Variants in PIP4K2A observed in about 807,000 individuals in gnomAD.
PIP4K2A encodes the protein phosphatidylinositol-5-phosphate 4-kinase type 2 alpha.
In PIP4K2A, 14 loss-of-function variants were observed where a neutral mutation model predicts 42.9. The ratio of observed to expected loss-of-function variants is 0.33; its 90% CI spans 0.22 to 0.51. The LOEUF (loss-of-function observed/expected upper bound fraction) is 0.51, where lower values mean the gene tolerates loss of function less well. Ranked by LOEUF, PIP4K2A falls within the 20% of genes least tolerant of loss-of-function variation. The pLI, the probability that PIP4K2A is intolerant of heterozygous loss-of-function variation, is 0.97. For missense variants in PIP4K2A, 434 were observed against 519.8 expected (o/e 0.83, Z 1.61); for synonymous variants, 192 against 192.2 (o/e 1.00, Z 0.01).
At chr10:22,665,580 T>C (rs1322558134) in intron 1 of PIP4K2A, among the ~76,000 whole-genome samples, 1 of 148,062 alleles carries the variant, frequency 6.8e-6, no homozygotes, top group Non-Finnish European at 1.5e-5. Context: ...TAGTTGAAAC[T>C]ACAGAGGTGC....
At chr10:22,627,591 TAAAAAAAAAAAAAAAAAAA>T (rs57671642) in intron 1 of PIP4K2A, among the ~76,000 whole-genome samples, 38 of 57,034 alleles carry the variant, frequency 6.7e-4, no homozygotes, top group East Asian at 2.9e-3. Context: ...TAATATGTAA[TAAAAAAAAAAAAAAAAAAA>T]AAAAAAAAAA....
At chr10:22,599,068 TAA>T (rs1837694512) in intron 3 of PIP4K2A, among the ~76,000 whole-genome samples, 1 of 131,202 alleles carries the variant, frequency 7.6e-6, no homozygotes, top group Non-Finnish European at 1.6e-5. Context: ...TCTTATCGAA[TAA>T]ATTAAACTAG....
At chr10:22,559,698 T>C (rs930939408) in intron 6 of PIP4K2A, among the ~76,000 whole-genome samples, 4 of 152,180 alleles carry the variant, frequency 2.6e-5, no homozygotes, top group Non-Finnish European at 5.9e-5. Context: ...ATATCTGGAA[T>C]AGAGAAGATT....
chr10:22,539,317 C>G (rs1328323774), intron 9 of PIP4K2A: 1 of 152,226 alleles, frequency 6.6e-6, no homozygotes, highest in African/African-American at 2.4e-5. Flanking sequence ...ACTACTATCT[C>G]TTTCATAGGC....
chr10:22,582,026 G>A (rs1837292795), intron 4 of PIP4K2A, among the ~76,000 whole-genome samples: 2 of 152,150 alleles, frequency 1.3e-5, no homozygotes, highest in Middle Eastern at 3.4e-3. Flanking sequence ...TGAGGCAGTA[G>A]GATCACTTGA....
chr10:22,620,142 T>C (rs1297667042), intron 1 of PIP4K2A, among the ~76,000 whole-genome samples: 1 of 152,226 alleles, frequency 6.6e-6, no homozygotes, highest in African/African-American at 2.4e-5. Context: ...CTCCCATCTG[T>C]CAACTTGGTA....
intron 3 of PIP4K2A, among the ~76,000 whole-genome samples, chr10:22,593,719 AG>A (rs759974193): frequency 2.0e-5 from 3 of 152,248 alleles, no homozygotes; most frequent in Non-Finnish European, 4.4e-5. Context: ...CAAGAACTCT[AG>A]GAACTGTAAG....
intron 1 of PIP4K2A, among the ~76,000 whole-genome samples, chr10:22,696,403 T>C (rs1277846143): frequency 2.0e-5 from 3 of 152,206 alleles, no homozygotes; most frequent in Non-Finnish European, 4.4e-5. Flanking sequence ...TTCTTATAAA[T>C]AACCAAATTG....
chr10:22,613,160 T>C (rs1017240128), intron 1 of PIP4K2A, among the ~76,000 whole-genome samples: 1 of 151,816 alleles, frequency 6.6e-6, no homozygotes, highest in Non-Finnish European at 1.5e-5. Flanking sequence ...GACTGGGAAA[T>C]GTCAGCCAGA....
intron 4 of PIP4K2A, among the ~76,000 whole-genome samples, chr10:22,584,283 T>C (rs143701098): frequency 1.6e-3 from 240 of 150,924 alleles, no homozygotes; most frequent in African/African-American, 5.7e-3. Context: ...AAAAATCTTC[T>C]GGAAAACTTC....
chr10:22,545,206 A>G (rs1163736550), intron 7 of PIP4K2A, among the ~76,000 whole-genome samples: 1 of 152,182 alleles, frequency 6.6e-6, no homozygotes, highest in Admixed American at 6.5e-5. Context: ...GTAACTACCA[A>G]AGCCAAATAC....
chr10:22,710,063 C>CAA (rs34126375), intron 1 of PIP4K2A, among the ~76,000 whole-genome samples: 10 of 124,684 alleles, frequency 8.0e-5, no homozygotes, highest in African/African-American at 1.7e-4. Flanking sequence ...ACCCATGAAC[C>CAA]AAAAAAAAAA....
At chr10:22,565,314 C>G (rs751771816) in intron 6 of PIP4K2A, among the ~76,000 whole-genome samples, 1 of 152,184 alleles carries the variant, frequency 6.6e-6, no homozygotes, top group African/African-American at 2.4e-5. Context: ...GGACCCCAAA[C>G]GGAGGGACCG....
chr10:22,712,334 C>T (rs968000070), intron 1 of PIP4K2A, among the ~76,000 whole-genome samples: 2 of 152,048 alleles, frequency 1.3e-5, no homozygotes, highest in South Asian at 2.1e-4. Context: ...GGAATTCAGA[C>T]GAGTTCCCAG....
chr10:22,714,398 G>C lies in PIP4K2A; in HGVS notation c.-72C>G, dbSNP rs1018903682. 4.4e-6 allele frequency: 5 copies of C among 1,129,596 alleles called. No individual in the cohort carries two copies. The highest frequency in any genetic ancestry group is 4.2e-5 in the Admixed American group (1 of 24,056). 70.0% of individuals were successfully genotyped at this position (1,129,596 alleles called of 1,614,324 possible). ...ACCCGCCCTCTCTACACCCCGGCCC[G>C]GGGAGGCAGCCGCATCCCCCCGGCG... On this transcript the variant is annotated 5_prime_UTR_variant, in exon 1 of 10. Transcript: ENST00000376573.
chr10:22,611,232 T>A (rs1838029063), intron 1 of PIP4K2A, among the ~76,000 whole-genome samples: 1 of 151,682 alleles, frequency 6.6e-6, no homozygotes, highest in South Asian at 2.1e-4. Context: ...AATAAAAAAA[T>A]AACAAAAGTT....
At position 22,627,063 on chromosome 10, in the gene PIP4K2A, C is replaced by G. The variant is rs770187566; in HGVS notation, c.145-17346G>C. On this transcript the variant is annotated intron_variant, in intron 1 of 9. Transcript: ENST00000376573. ...TCTCTCTTCTCCCCATCTCCTCCCA[C>G]GCATTCTATGTATTCTATCAACTAT... Among the ~76,000 whole-genome samples the G allele has an allele frequency of 1.8e-4, 28 of 151,818 alleles. No homozygotes were observed. The Middle Eastern group carries it at 0.01, about 55-fold the overall frequency.
At chr10:22,553,678 G>C (rs1013542490) in intron 6 of PIP4K2A, among the ~76,000 whole-genome samples, 4 of 151,676 alleles carry the variant, frequency 2.6e-5, no homozygotes, top group Non-Finnish European at 5.9e-5. Flanking sequence ...CCATGTGACA[G>C]ATTCAAATAG....
chr10:22,664,006 GCT>G (rs548100836), intron 1 of PIP4K2A, among the ~76,000 whole-genome samples: 3 of 126,822 alleles, frequency 2.4e-5, no homozygotes, highest in African/African-American at 3.1e-5. Context: ...CCCACTTAAG[GCT>G]CTCTCTCTCT....
Sources: gnomAD v4.1 joint callset for allele counts (sites outside exome capture counted in the v4.1 genomes callset) on GRCh38, gnomAD v4.1.1 for gene constraint, MANE v1.5 for transcripts, NCBI Gene and HGNC (gene_info 2026-07-23, HGNC 2026-07-21) for gene names.